KAZN: variants seen among roughly 807,000 people sequenced by gnomAD.
The protein encoded by KAZN is kazrin.
A neutral mutation model predicts 87.4 loss-of-function variants in KAZN; 40 were observed. The ratio of observed to expected loss-of-function variants is 0.46; its 90% CI spans 0.36 to 0.60. The LOEUF (loss-of-function observed/expected upper bound fraction) is 0.60, where lower values mean the gene tolerates loss of function less well. Among genes scored for constraint, KAZN ranks in the 20% least tolerant of loss-of-function variants. KAZN has a pLI of 0.00. For missense variants in KAZN, 898 were observed against 1,073.9 expected (o/e 0.84, Z 2.29); for synonymous variants, 466 against 458.3 (o/e 1.02, Z -0.22).
intron 2 of KAZN, among the ~76,000 whole-genome samples, chr1:14,979,895 T>G (rs1572972103): frequency 6.6e-6 from 1 of 152,144 alleles, no homozygotes; most frequent in Non-Finnish European, 1.5e-5. Context: ...TTTTTTAAAT[T>G]TATTTACTTT....
At chr1:14,797,840 T>C (rs1172034124) in intron 1 of KAZN, among the ~76,000 whole-genome samples, 1 of 152,148 alleles carries the variant, frequency 6.6e-6, no homozygotes. Context: ...TTCAATGAAA[T>C]AGTCCTTGTG....
chr1:14,809,773 C>T (rs1275579499), intron 1 of KAZN, among the ~76,000 whole-genome samples: 3 of 152,112 alleles, frequency 2.0e-5, no homozygotes, highest in Non-Finnish European at 2.9e-5. Context: ...CCTGTAGACC[C>T]GGGAGATGGC....
chr1:13,940,944 C>G (rs573127447), intron 1 of KAZN, among the ~76,000 whole-genome samples: 10 of 152,146 alleles, frequency 6.6e-5, no homozygotes, highest in Non-Finnish European at 1.0e-4. Flanking sequence ...CCTGTAAACC[C>G]AGCACTTTGG....
intron 1 of KAZN, among the ~76,000 whole-genome samples, chr1:14,660,959 G>A (rs556960710): frequency 6.6e-6 from 1 of 152,242 alleles, no homozygotes; most frequent in East Asian, 1.9e-4. Flanking sequence ...CCACAGCACT[G>A]TACTTTCACC....
Position 14,337,962 on chromosome 1 carries a change from C to T in KAZN, c.249+157370C>T, listed in dbSNP as rs570041346. Among the ~76,000 whole-genome samples the T allele has an allele frequency of 2.6e-5, 4 of 151,714 alleles. No individual in the cohort carries two copies. The South Asian group carries it at 8.3e-4, about 32-fold the overall frequency. ...ATCTTAATACCATCTGCTGCTGTCA[C>T]TCTTGATTTTCTCCAGTGTTCACTG... On this transcript the variant is annotated intron_variant, in intron 2 of 16. Coordinates refer to the KAZN transcript ENST00000636203.
chr1:15,065,496 TC>T (rs1639154290), intron 7 of KAZN, 133 bp from the exon 8 acceptor site: 1 of 775,908 alleles, frequency 1.3e-6, no homozygotes, highest in Non-Finnish European at 2.1e-6. Flanking sequence ...TCCCAGCCCG[TC>T]CCTGACCCCA....
intron 8 of KAZN, chr1:15,067,167 G>A: frequency 1.0e-6 from 1 of 985,612 alleles, no homozygotes; most frequent in Non-Finnish European, 1.2e-6. Flanking sequence ...TGTTAGGGGA[G>A]GCACCCACTT....
chr1:14,600,666 C>CAAAAAA (rs59840012), intron 1 of KAZN, among the ~76,000 whole-genome samples: 7 of 118,482 alleles, frequency 5.9e-5, no homozygotes, highest in African/African-American at 1.3e-4. Context: ...GGAACCTGTG[C>CAAAAAA]AAAAAAAAAA....
chr1:14,501,080 AAAATAAATAAATAAATAAATAAATAAAT>A (rs148614828), intron 2 of KAZN, among the ~76,000 whole-genome samples: 2 of 141,010 alleles, frequency 1.4e-5, no homozygotes, highest in Non-Finnish European at 3.1e-5. Context: ...GCATCTGCAA[AAAATAAATAAATAAATAAATAAATAAAT>A]AAATAAATAA....
chr1:14,385,060 G>C (rs914502396), intron 2 of KAZN, among the ~76,000 whole-genome samples: 48 of 151,452 alleles, frequency 3.2e-4, no homozygotes, highest in African/African-American at 1.1e-3. Context: ...TGTATGTGTC[G>C]AGGAATTTAT....
chr1:14,191,255 G>A (rs1278548727), intron 2 of KAZN, among the ~76,000 whole-genome samples: 2 of 152,154 alleles, frequency 1.3e-5, no homozygotes, highest in Non-Finnish European at 2.9e-5. Flanking sequence ...ACAGGAGGCA[G>A]TTTGTTTTGG....
intron 2 of KAZN, among the ~76,000 whole-genome samples, chr1:14,531,455 C>T (rs899992474): frequency 6.6e-6 from 1 of 152,110 alleles, no homozygotes; most frequent in African/African-American, 2.4e-5. Flanking sequence ...CACAAGAACT[C>T]GGCAGAACCC....
chr1:14,956,983 C>A (rs1025496832), intron 1 of KAZN, among the ~76,000 whole-genome samples: 163 of 152,312 alleles, frequency 1.1e-3, no homozygotes, highest in African/African-American at 3.7e-3. Flanking sequence ...CAGTCGCATC[C>A]TCTAGGGTCC....
intron 1 of KAZN, among the ~76,000 whole-genome samples, chr1:14,717,985 C>G (rs1642889070): frequency 6.6e-6 from 1 of 152,206 alleles, no homozygotes; most frequent in Admixed American, 6.5e-5. Flanking sequence ...CAGAGGCCAT[C>G]AAGAGGGACG....
In KAZN at chr1:14,623,487, G is replaced by C. The variant is rs577734879; in HGVS notation, c.226+24264G>C. On this transcript the variant is annotated intron_variant, in intron 1 of 14. Transcript: ENST00000376030. ...TACCTGAGGGTGGAGGATCGGAGGAGGGAGAGGAGCAGAAAGGATGATTAT... is the reference window on the plus strand; with the variant it reads ...TACCTGAGGGTGGAGGATCGGAGGACGGAGAGGAGCAGAAAGGATGATTAT... Among the ~76,000 whole-genome samples, 5 of 152,334 alleles carry C rather than the reference G, an allele frequency of 3.3e-5. No homozygotes were observed. The East Asian group carries it at 9.6e-4, about 29-fold the overall frequency.
intron 1 of KAZN, among the ~76,000 whole-genome samples, chr1:14,667,676 C>G (rs1235640950): frequency 6.6e-6 from 1 of 152,020 alleles, no homozygotes; most frequent in Non-Finnish European, 1.5e-5. Flanking sequence ...AGGGGCATCC[C>G]AGTGGGAACA....
At chr1:13,933,744 G>A (rs758563177) in intron 1 of KAZN, among the ~76,000 whole-genome samples, 2 of 152,192 alleles carry the variant, frequency 1.3e-5, no homozygotes, top group Non-Finnish European at 2.9e-5. Context: ...GGCAGGCACT[G>A]GTCATGAAGG....
chr1:14,550,401 G>A (rs1276663270), intron 2 of KAZN, among the ~76,000 whole-genome samples: 1 of 152,204 alleles, frequency 6.6e-6, no homozygotes, highest in Non-Finnish European at 1.5e-5. Context: ...AAGGCAGCCA[G>A]GCAGAGATCT....
At chr1:14,929,374 A>G (rs7523861) in intron 1 of KAZN, among the ~76,000 whole-genome samples, 14,859 of 152,270 alleles carry the variant, frequency 0.098, 950 homozygotes, top group East Asian at 0.27. Context: ...ATGGGCACCA[A>G]GCACCATTTA....
Sources: allele counts gnomAD v4.1 joint callset (sites outside exome capture counted in the v4.1 genomes callset), GRCh38; gene constraint gnomAD v4.1.1; transcripts MANE v1.5; gene names NCBI Gene and HGNC (gene_info 2026-07-23, HGNC 2026-07-21).